WWOX: variants seen among roughly 807,000 people sequenced by gnomAD.
WWOX encodes WW domain-containing oxidoreductase.
A neutral mutation model predicts 46.2 loss-of-function variants in WWOX; 69 were observed. That is an observed-to-expected ratio of 1.49 (90% confidence interval 1.23 to 1.82). WWOX has a LOEUF of 1.82. Among genes scored for constraint, WWOX ranks in the 40% most tolerant of loss-of-function variants. The pLI is 0.00. For synonymous variants in WWOX, 359 were observed against 202.6 expected (o/e 1.77, Z -6.56); for missense variants, 919 against 542.6 (o/e 1.69, Z -6.89).
intron 8 of WWOX, among the ~76,000 whole-genome samples, chr16:78,436,990 A>C (rs1342948237): frequency 6.6e-6 from 1 of 152,220 alleles, no homozygotes; most frequent in African/African-American, 2.4e-5. Flanking sequence ...GAAGCTTAGC[A>C]TAGATGCAAT....
intron 8 of WWOX, among the ~76,000 whole-genome samples, chr16:78,861,545 T>G (rs895342496): frequency 2.0e-5 from 3 of 152,210 alleles, no homozygotes; most frequent in Non-Finnish European, 4.4e-5. Context: ...TATATATTGT[T>G]ATTCATAGAC....
intron 8 of WWOX, among the ~76,000 whole-genome samples, chr16:79,185,398 C>G (rs1242934147): frequency 3.3e-5 from 5 of 152,172 alleles, no homozygotes; most frequent in African/African-American, 1.2e-4. Context: ...AGAGGTAATA[C>G]TTGAAAGTGT....
chr16:78,124,757 C>T (rs1208692435), intron 4 of WWOX, among the ~76,000 whole-genome samples: 1 of 152,154 alleles, frequency 6.6e-6, no homozygotes, highest in Non-Finnish European at 1.5e-5. Context: ...GCTCACCAGG[C>T]TGTGCTTGAT....
chr16:78,888,954 C>A (rs1409210897), intron 8 of WWOX, among the ~76,000 whole-genome samples: 1 of 148,806 alleles, frequency 6.7e-6, no homozygotes, highest in East Asian at 1.9e-4. Context: ...ATAATCTCCC[C>A]CTGATGCCCT....
intron 8 of WWOX, among the ~76,000 whole-genome samples, chr16:78,610,737 T>C (rs1042377508): frequency 1.3e-5 from 2 of 152,284 alleles, no homozygotes; most frequent in East Asian, 3.9e-4. Context: ...TGTATCATAA[T>C]CAAACCGTCG....
At chr16:78,145,743 C>T (rs927373475) in intron 4 of WWOX, among the ~76,000 whole-genome samples, 10 of 152,214 alleles carry the variant, frequency 6.6e-5, no homozygotes, top group Admixed American at 3.3e-4. Flanking sequence ...GTCTCCTCAC[C>T]GTGTGCTGTG....
chr16:78,625,609 G>A (rs571949907), intron 8 of WWOX, among the ~76,000 whole-genome samples: 22 of 151,848 alleles, frequency 1.4e-4, no homozygotes, highest in African/African-American at 5.3e-4. Context: ...TTAAATTATT[G>A]ATACTGAAAT....
intron 8 of WWOX, among the ~76,000 whole-genome samples, chr16:78,852,010 G>T (rs1381613463): frequency 1.3e-5 from 2 of 152,098 alleles, no homozygotes; most frequent in African/African-American, 4.8e-5. Flanking sequence ...TGGGATCCTT[G>T]TATAATACTG....
At chr16:78,715,004 G>C (rs2048528516) in intron 8 of WWOX, among the ~76,000 whole-genome samples, 1 of 152,132 alleles carries the variant, frequency 6.6e-6, no homozygotes, top group African/African-American at 2.4e-5. Context: ...GGATTGTCAT[G>C]GCCTGGGTGT....
intron 5 of WWOX, among the ~76,000 whole-genome samples, chr16:78,297,915 C>T (rs1029234488): frequency 6.6e-6 from 1 of 152,126 alleles, no homozygotes; most frequent in Non-Finnish European, 1.5e-5. Flanking sequence ...ATCTTGAATT[C>T]TAATTGTAAT....
chr16:79,138,438 A>G (rs1281652951), intron 8 of WWOX, among the ~76,000 whole-genome samples: 1 of 152,116 alleles, frequency 6.6e-6, no homozygotes, highest in African/African-American at 2.4e-5. Flanking sequence ...CACCTCCTCT[A>G]TGAAGTCTTG....
intron 8 of WWOX, among the ~76,000 whole-genome samples, chr16:78,642,901 C>T (rs1028937943): frequency 6.6e-6 from 1 of 152,162 alleles, no homozygotes; most frequent in Non-Finnish European, 1.5e-5. Flanking sequence ...GGCACTCATC[C>T]TACTTGGTGT....
chr16:78,402,783 T>A (rs920177262), intron 6 of WWOX, among the ~76,000 whole-genome samples: 5 of 152,184 alleles, frequency 3.3e-5, no homozygotes, highest in Non-Finnish European at 7.3e-5. Flanking sequence ...TTATTTGACT[T>A]CTCCTGACCT....
intron 8 of WWOX, among the ~76,000 whole-genome samples, chr16:78,871,675 C>G (rs1377090783): frequency 6.6e-6 from 1 of 152,210 alleles, no homozygotes; most frequent in South Asian, 2.1e-4. Context: ...TTTCAGCTCA[C>G]TGCAACCTCT....
At chr16:78,389,720 C>A (rs771062098) in intron 6 of WWOX, among the ~76,000 whole-genome samples, 1 of 152,054 alleles carries the variant, frequency 6.6e-6, no homozygotes, top group Non-Finnish European at 1.5e-5. Flanking sequence ...CCAACTTGAC[C>A]ACCGTACTAT....
intron 8 of WWOX, among the ~76,000 whole-genome samples, chr16:78,962,461 G>A (rs923189434): frequency 6.6e-6 from 1 of 151,992 alleles, no homozygotes; most frequent in Non-Finnish European, 1.5e-5. Flanking sequence ...TCTCAGGGAT[G>A]ACAGTCATTT....
chr16:78,598,324 G>C (rs1166497853), intron 8 of WWOX, among the ~76,000 whole-genome samples: 4 of 152,234 alleles, frequency 2.6e-5, no homozygotes, highest in Non-Finnish European at 5.9e-5. Context: ...AAGACTGTCT[G>C]TCACGTGGGA....
chr16:79,104,287 A>G (rs1257933662), intron 8 of WWOX, among the ~76,000 whole-genome samples: 1 of 152,188 alleles, frequency 6.6e-6, no homozygotes, highest in African/African-American at 2.4e-5. Context: ...ATGTTTTGGT[A>G]AAACCTCAGT....
At chr16:78,175,190 A>G (rs2035299689) in intron 5 of WWOX, among the ~76,000 whole-genome samples, 1 of 151,880 alleles carries the variant, frequency 6.6e-6, no homozygotes, top group African/African-American at 2.4e-5. Context: ...TTAATGCTGG[A>G]GAGAAGTAGG....
Sources: gnomAD v4.1 joint callset for allele counts (sites outside exome capture counted in the v4.1 genomes callset) on GRCh38, gnomAD v4.1.1 for gene constraint, MANE v1.5 for transcripts, NCBI Gene and HGNC (gene_info 2026-07-23, HGNC 2026-07-21) for gene names.